The following PGRMC2 variants were observed in gnomAD, a reference collection of about 807,000 sequenced individuals.
The protein encoded by PGRMC2 is membrane-associated progesterone receptor component 2.
Under a neutral mutation model 19.3 loss-of-function variants are expected in PGRMC2, and 9 were observed. The ratio of observed to expected loss-of-function variants is 0.47; its 90% CI spans 0.28 to 0.81. The LOEUF (loss-of-function observed/expected upper bound fraction) is 0.81. Ranked by LOEUF, PGRMC2 falls within the 40% of genes least tolerant of loss-of-function variation. PGRMC2 has a pLI of 0.11. For synonymous variants in PGRMC2, 157 were observed against 124.6 expected, an observed-to-expected ratio of 1.26 and a Z score of -1.73; for missense variants, 289 against 297.3, an observed-to-expected ratio of 0.97 and a Z score of 0.21.
chr4:128,287,469 G>A lies in PGRMC2; in HGVS notation c.322C>T (p.Leu108=), dbSNP rs1414166288. The change falls in exon 1 of 3, where the codon CTG becomes TTG. Residue 108 remains leucine, a synonymous_variant. Transcript: ENST00000296425. The stretch of plus-strand genomic sequence containing the variant: ...TTGCGGGAGCCGTCGTACTGGCGCA[G>A]CTGCTCCAAGCTGAAGTCCCGCTTC... ...MKKRDFSLEQ[L]RQYDGSRNPR... 2 of 1,613,604 alleles carry A rather than the reference G, an allele frequency of 1.2e-6. No homozygotes were observed. The highest frequency in any genetic ancestry group is 2.2e-5 in the East Asian group (1 of 44,864).
intron 1 of PGRMC2, among the ~76,000 whole-genome samples, chr4:128,277,654 T>C (rs1760833250): frequency 6.6e-6 from 1 of 152,190 alleles, no homozygotes; most frequent in Non-Finnish European, 1.5e-5. Flanking sequence ...ACACTTAGTA[T>C]TGGGTAATTT....
At position 128,269,453 on chromosome 4, in the gene PGRMC2, GA is replaced by G. The variant is rs1760692437; in HGVS notation, c.*1862del. The G allele has an allele frequency of 1.3e-5, 2 of 151,970 alleles. No individual in the cohort carries two copies. Among genetic ancestry groups the G allele is most frequent in the Admixed American group, 1.3e-4 (2 of 15,258 alleles). 9.4% of individuals were successfully genotyped at this position (151,970 alleles called of 1,614,324 possible). A position where few individuals can be genotyped will look rare whatever the true frequency, so the allele number is the denominator to read the frequency against. ...ATGTACTTTTAACATTTTTTGTTTA[GA>G]AAATATTTTACATAAAAACACAAAG... is the stretch of plus-strand genomic sequence containing the variant. On this transcript the variant is annotated 3_prime_UTR_variant, in exon 3 of 3. Coordinates refer to ENST00000296425, the MANE Select transcript of PGRMC2 (RefSeq NM_006320.6).
At chr4:128,273,551 G>GAAC (rs541565729) in intron 1 of PGRMC2, among the ~76,000 whole-genome samples, 2 of 151,998 alleles carry the variant, frequency 1.3e-5, no homozygotes, top group Admixed American at 6.5e-5. Context: ...ACACTATTAT[G>GAAC]AACAACAACA....
chr4:128,272,420 G>T lies in PGRMC2; in HGVS notation c.516C>A (p.Leu172=). The change falls in exon 2 of 3, where the codon CTC becomes CTA. Residue 172 remains leucine (L), a synonymous_variant. Transcript: ENST00000296425. ...KDALRDEYDD[L]SDLNAVQMES... ...CCATTTGTACTGCATTCAAATCTGA[G>T]AGATCATCATATTCATCTCTAAGTG... 6.3e-7 allele frequency: 1 copy of T among 1,590,064 alleles called. No homozygotes were observed. The highest frequency in any genetic ancestry group is 2.3e-5 in the East Asian group (1 of 43,662).
intron 1 of PGRMC2, among the ~76,000 whole-genome samples, chr4:128,274,516 A>AG (rs1491481600): frequency 1.1e-4 from 12 of 107,826 alleles, no homozygotes; most frequent in African/African-American, 4.1e-4. Context: ...TTCTCCAAAG[A>AG]AAAAAAAAAA....
intron 1 of PGRMC2, among the ~76,000 whole-genome samples, chr4:128,279,430 A>G (rs191045928): frequency 3.5e-4 from 53 of 152,328 alleles, no homozygotes; most frequent in Admixed American, 2.0e-4. Context: ...AGAAACAGGC[A>G]TTTTCATCAA....
intron 1 of PGRMC2, among the ~76,000 whole-genome samples, chr4:128,276,766 A>C (rs1383862972): frequency 6.6e-6 from 1 of 152,244 alleles, no homozygotes; most frequent in Non-Finnish European, 1.5e-5. Flanking sequence ...CTGATCCAAA[A>C]ACAGCCTCCC....
Position 128,271,257 on chromosome 4 carries a change from T to C in PGRMC2, c.*59A>G, listed in dbSNP as rs1760724650. ...TCAAACCCAAAGACTCCGGACAGTCTGTGAAAGGGAGTAAGAATTGCAGTT... is the reference window on the plus strand; with the variant it reads ...TCAAACCCAAAGACTCCGGACAGTCCGTGAAAGGGAGTAAGAATTGCAGTT... On this transcript the variant is annotated 3_prime_UTR_variant, in exon 3 of 3. Transcript: ENST00000296425. 3 of 844,670 alleles carry C rather than the reference T, an allele frequency of 3.6e-6. No homozygotes were observed. The highest frequency in any genetic ancestry group is 5.9e-6 in the Non-Finnish European group (3 of 505,750). The allele number at this position is 844,670 out of a possible 1,614,324, so 52.3% of individuals were successfully genotyped here. A position where few individuals can be genotyped will look rare whatever the true frequency, so the allele number is the denominator to read the frequency against.
intron 1 of PGRMC2, among the ~76,000 whole-genome samples, chr4:128,284,319 C>G (rs1760953192): frequency 1.3e-5 from 2 of 152,200 alleles, no homozygotes; most frequent in Non-Finnish European, 1.5e-5. Flanking sequence ...ACCTAGACCT[C>G]AGACTCCCCA....
rs1760702452 is a variant in PGRMC2, at chr4:128,270,003, A to G, written c.*1313T>C. ...CTAAAGTTATGCTGAATGTGGTACA[A>G]TGTGTACAACTTGGTTAACCAGTGC... On this transcript the variant is annotated 3_prime_UTR_variant, in exon 3 of 3. Coordinates refer to ENST00000296425, the MANE Select transcript of PGRMC2 (RefSeq NM_006320.6). 1 of 152,654 alleles carries G rather than the reference A, an allele frequency of 6.6e-6. No individual in the cohort carries two copies. Among genetic ancestry groups the G allele is most frequent in the African/African-American group, 2.4e-5 (1 of 41,458 alleles). The allele number at this position is 152,654 out of a possible 1,614,324, so 9.5% of individuals were successfully genotyped here.
intron 1 of PGRMC2, among the ~76,000 whole-genome samples, chr4:128,279,468 G>T (rs867902795): frequency 6.6e-6 from 1 of 152,026 alleles, no homozygotes; most frequent in East Asian, 1.9e-4. Flanking sequence ...CTCTCTGAAG[G>T]GCAGTTTAGA....
intron 1 of PGRMC2, chr4:128,286,832 G>T (rs369042511): frequency 2.5e-6 from 1 of 392,302 alleles, no homozygotes; most frequent in Non-Finnish European, 4.5e-6. Flanking sequence ...GCCCCTAAAC[G>T]TGGCCTTACG....
chr4:128,279,148 C>T (rs1561616466), intron 1 of PGRMC2, among the ~76,000 whole-genome samples: 1 of 151,246 alleles, frequency 6.6e-6, no homozygotes, highest in Non-Finnish European at 1.5e-5. Context: ...GCAGAGGTTG[C>T]AGTGAGCCGA....
chr4:128,285,690 A>G (rs917228058), intron 1 of PGRMC2, among the ~76,000 whole-genome samples: 2 of 152,202 alleles, frequency 1.3e-5, no homozygotes, highest in African/African-American at 4.8e-5. Flanking sequence ...TTTAATACCA[A>G]TGGGGGAAAA....
chr4:128,282,061 A>G (rs1760917207), intron 1 of PGRMC2, among the ~76,000 whole-genome samples: 1 of 152,190 alleles, frequency 6.6e-6, no homozygotes, highest in African/African-American at 2.4e-5. Flanking sequence ...CATATTACAG[A>G]TTATAATTAC....
chr4:128,281,193 A>G (rs1211694231), intron 1 of PGRMC2, among the ~76,000 whole-genome samples: 3 of 152,198 alleles, frequency 2.0e-5, no homozygotes, highest in Non-Finnish European at 4.4e-5. Context: ...AGGATGGGGG[A>G]GGAATCAGAG....
chr4:128,278,684 A>C (rs1301196048), intron 1 of PGRMC2, among the ~76,000 whole-genome samples: 1 of 152,210 alleles, frequency 6.6e-6, no homozygotes, highest in Non-Finnish European at 1.5e-5. Flanking sequence ...GTACTAAAAA[A>C]ACTACAGATT....
At chr4:128,282,607 A>G (rs1449371923) in intron 1 of PGRMC2, among the ~76,000 whole-genome samples, 3 of 152,232 alleles carry the variant, frequency 2.0e-5, no homozygotes, top group Non-Finnish European at 4.4e-5. Flanking sequence ...AAACCTAGCT[A>G]ATCCTTTTAT....
chr4:128,269,464 A>T lies in PGRMC2; in HGVS notation c.*1852T>A, dbSNP rs1760692587. The T allele has an allele frequency of 6.6e-6, 1 of 152,220 alleles. No homozygotes were observed. The highest frequency in any genetic ancestry group is 1.5e-5 in the Non-Finnish European group (1 of 68,038). 9.4% of individuals were successfully genotyped at this position (152,220 alleles called of 1,614,324 possible). ...ACATTTTTTGTTTAGAAAATATTTT[A>T]CATAAAAACACAAAGCATTTACCAA... is the stretch of plus-strand genomic sequence containing the variant. On this transcript the variant is annotated 3_prime_UTR_variant, in exon 3 of 3. Transcript: ENST00000296425.
Sources: allele counts gnomAD v4.1 joint callset (sites outside exome capture counted in the v4.1 genomes callset), GRCh38; gene constraint gnomAD v4.1.1; transcripts MANE v1.5; gene names NCBI Gene and HGNC (gene_info 2026-07-23, HGNC 2026-07-21).